The following KCNIP4 variants were observed in gnomAD, a reference collection of about 807,000 sequenced individuals.
KCNIP4 encodes potassium voltage-gated channel interacting protein 4, also known as Kv channel-interacting protein 4.
KCNIP4 carries 12 observed loss-of-function variants against 34.0 expected under a neutral mutation model. That is an observed-to-expected ratio of 0.35 (90% CI 0.23 to 0.57). The LOEUF (loss-of-function observed/expected upper bound fraction) is 0.57, where lower values mean the gene tolerates loss of function less well. KCNIP4 is among the 20% of genes least tolerant of loss of function. KCNIP4 has a pLI of 0.83. For missense variants in KCNIP4, 238 were observed against 311.7 expected (o/e 0.76, Z 1.78); for synonymous variants, 124 against 102.2 (o/e 1.21, Z -1.29).
rs1747244717 is a variant in KCNIP4, at chr4:20,729,466, A to ATAAACTAATTTTT, written c.*603_*615dup. 2 of 132,454 alleles carry ATAAACTAATTTTT rather than the reference A, an allele frequency of 1.5e-5. No individual in the cohort carries two copies. The highest frequency in any genetic ancestry group is 1.5e-4 in the Admixed American group (2 of 13,506). The allele number at this position is 132,454 out of a possible 1,614,324, so 8.2% of individuals were successfully genotyped here. ...ATTAGGCATATGCTGATATCTGATA[A>ATAAACTAATTTTT]TAAACTAATTTTTAAATGTTTAATA... On this transcript the variant is annotated 3_prime_UTR_variant, in exon 9 of 9. Transcript: ENST00000382152.
intron 2 of KCNIP4, among the ~76,000 whole-genome samples, chr4:20,880,688 T>C (rs1018578095): frequency 1.3e-5 from 2 of 152,232 alleles, no homozygotes; most frequent in African/African-American, 4.8e-5. Context: ...CAAATGACTA[T>C]ATTTTCAGCA....
At chr4:20,954,510 G>C (rs1481903858) in intron 1 of KCNIP4, among the ~76,000 whole-genome samples, 1 of 152,094 alleles carries the variant, frequency 6.6e-6, no homozygotes, top group Non-Finnish European at 1.5e-5. Flanking sequence ...TAGTCAAGAA[G>C]GTATAATCAT....
chr4:21,173,111 G>A (rs1000008083), intron 1 of KCNIP4, among the ~76,000 whole-genome samples: 1 of 152,148 alleles, frequency 6.6e-6, no homozygotes, highest in Non-Finnish European at 1.5e-5. Context: ...AGTCTTCCAA[G>A]AGCGCATCTG....
At chr4:20,931,034 G>T (rs1730410491) in intron 1 of KCNIP4, among the ~76,000 whole-genome samples, 1 of 151,924 alleles carries the variant, frequency 6.6e-6, no homozygotes. Flanking sequence ...TTCCTCTTTT[G>T]AGTAGGTAAC....
chr4:21,056,518 T>C (rs1368464445), intron 1 of KCNIP4, among the ~76,000 whole-genome samples: 2 of 152,202 alleles, frequency 1.3e-5, no homozygotes, highest in African/African-American at 4.8e-5. Context: ...TTCATGTGTC[T>C]GTCTCATTTC....
chr4:21,641,589 T>C (rs1240722843), intron 1 of KCNIP4, among the ~76,000 whole-genome samples: 1 of 152,164 alleles, frequency 6.6e-6, no homozygotes. Flanking sequence ...GGTATGTGGA[T>C]AGACATCTCT....
At chr4:21,128,747 C>T (rs1750821945) in intron 1 of KCNIP4, among the ~76,000 whole-genome samples, 1 of 152,196 alleles carries the variant, frequency 6.6e-6, no homozygotes, top group Admixed American at 6.5e-5. Context: ...ACGTTATTAT[C>T]AGTAAGGAGC....
intron 1 of KCNIP4, among the ~76,000 whole-genome samples, chr4:21,908,823 C>A (rs1219375257): frequency 6.6e-6 from 1 of 152,124 alleles, no homozygotes; most frequent in Non-Finnish European, 1.5e-5. Context: ...CCCTTCAACT[C>A]CTTAATGAGG....
chr4:20,856,770 A>G (rs918770866), intron 2 of KCNIP4, among the ~76,000 whole-genome samples: 1 of 152,134 alleles, frequency 6.6e-6, no homozygotes, highest in Non-Finnish European at 1.5e-5. Context: ...TATTTATTGT[A>G]CTGGGAAATA....
intron 1 of KCNIP4, among the ~76,000 whole-genome samples, chr4:20,972,516 G>A (rs1490115080): frequency 6.6e-6 from 1 of 152,110 alleles, no homozygotes; most frequent in Admixed American, 6.6e-5. Flanking sequence ...ATTTTGAAAG[G>A]AATCTCTTTG....
chr4:21,684,183 C>T (rs1174897282), intron 1 of KCNIP4, among the ~76,000 whole-genome samples: 1 of 152,226 alleles, frequency 6.6e-6, no homozygotes, highest in Non-Finnish European at 1.5e-5. Context: ...AAAAATACTG[C>T]TATCATGTTA....
chr4:20,877,532 T>A (rs1724193047), intron 2 of KCNIP4, among the ~76,000 whole-genome samples: 1 of 152,190 alleles, frequency 6.6e-6, no homozygotes, highest in Non-Finnish European at 1.5e-5. Flanking sequence ...GAGCAAATAA[T>A]CTCCCTTGTC....
At chr4:21,110,687 T>A (rs73802490) in intron 1 of KCNIP4, among the ~76,000 whole-genome samples, 1 of 152,184 alleles carries the variant, frequency 6.6e-6, no homozygotes, top group African/African-American at 2.4e-5. Context: ...GTGAGGGTCT[T>A]TGAGAGGCAA....
chr4:21,707,234 T>C (rs1202839012), intron 1 of KCNIP4, among the ~76,000 whole-genome samples: 1 of 152,200 alleles, frequency 6.6e-6, no homozygotes, highest in Non-Finnish European at 1.5e-5. Flanking sequence ...AAATCATTGA[T>C]AGATATGAGG....
At chr4:21,462,879 T>G (rs545346718) in intron 1 of KCNIP4, among the ~76,000 whole-genome samples, 54 of 152,022 alleles carry the variant, frequency 3.6e-4, no homozygotes, top group African/African-American at 1.3e-3. Context: ...TTCATTTTAT[T>G]TATCCATTTA....
At chr4:21,292,665 C>T (rs1763602149) in intron 1 of KCNIP4, among the ~76,000 whole-genome samples, 1 of 152,144 alleles carries the variant, frequency 6.6e-6, no homozygotes, top group Non-Finnish European at 1.5e-5. Context: ...ATATCAATTA[C>T]TCCCCACCAC....
At chr4:21,530,639 A>C (rs1177336477) in intron 1 of KCNIP4, among the ~76,000 whole-genome samples, 3 of 152,202 alleles carry the variant, frequency 2.0e-5, no homozygotes, top group Non-Finnish European at 4.4e-5. Flanking sequence ...TAAAAGCTAC[A>C]TAGGACTCAT....
At chr4:21,057,733 CTG>C (rs1181442271) in intron 1 of KCNIP4, among the ~76,000 whole-genome samples, 1 of 152,156 alleles carries the variant, frequency 6.6e-6, no homozygotes, top group East Asian at 1.9e-4. Context: ...AGAGATTGGA[CTG>C]TGTTTCACAG....
chr4:21,770,010 A>G (rs1246672325), intron 1 of KCNIP4, among the ~76,000 whole-genome samples: 1 of 89,498 alleles, frequency 1.1e-5, no homozygotes, highest in Non-Finnish European at 2.0e-5. Flanking sequence ...TATTTCTTCT[A>G]AAAAAAAAGA....
Sources: allele counts gnomAD v4.1 joint callset (sites outside exome capture counted in the v4.1 genomes callset), GRCh38; gene constraint gnomAD v4.1.1; transcripts MANE v1.5; gene names NCBI Gene and HGNC (gene_info 2026-07-23, HGNC 2026-07-21).